Variants in ENTREP2 observed in about 807,000 individuals in gnomAD.
ENTREP2 encodes the protein protein ENTREP2.
chr15:29,500,758 CAA>C, the ENTREP2 span, among the ~76,000 whole-genome samples: 1 of 151,800 alleles, frequency 6.6e-6, no homozygotes, highest in East Asian at 1.9e-4. Context: ...AGATTGGAGC[CAA>C]ACAGAGAACA....
chr15:29,261,362 G>A, the ENTREP2 span, among the ~76,000 whole-genome samples: 1 of 152,162 alleles, frequency 6.6e-6, no homozygotes. Context: ...TGGGCAACAA[G>A]CAAGATCCTA....
the ENTREP2 span, among the ~76,000 whole-genome samples, chr15:29,478,620 A>G: frequency 0.51 from 77,205 of 151,536 alleles, 20,854 homozygotes; most frequent in African/African-American, 0.71. Context: ...TTAAAAGTGT[A>G]TGGGGCAGGT....
the ENTREP2 span, among the ~76,000 whole-genome samples, chr15:29,386,441 C>T: frequency 2.6e-5 from 4 of 152,168 alleles, no homozygotes; most frequent in East Asian, 1.9e-4. Context: ...CCCGGTGAGG[C>T]GGATAAGGGA....
the ENTREP2 span, among the ~76,000 whole-genome samples, chr15:29,365,079 C>T: frequency 1.3e-5 from 2 of 152,166 alleles, no homozygotes; most frequent in Admixed American, 6.5e-5. Flanking sequence ...CTTCATCCCT[C>T]TTTCCCAACC....
At chr15:29,209,368 G>C in the ENTREP2 span, among the ~76,000 whole-genome samples, 1 of 152,128 alleles carries the variant, frequency 6.6e-6, no homozygotes, top group African/African-American at 2.4e-5. Context: ...TGGGCGTGGT[G>C]GTGGGCACCT....
chr15:29,583,303 G>A, the ENTREP2 span, among the ~76,000 whole-genome samples: 1 of 152,162 alleles, frequency 6.6e-6, no homozygotes, highest in Non-Finnish European at 1.5e-5. Flanking sequence ...GGAATACTAT[G>A]CAGCCATAAA....
At chr15:29,566,261 C>T in the ENTREP2 span, among the ~76,000 whole-genome samples, 1 of 151,480 alleles carries the variant, frequency 6.6e-6, no homozygotes, top group African/African-American at 2.4e-5. Context: ...TGGGTTCACG[C>T]CATTCTCCTG....
chr15:29,527,833 A>G, the ENTREP2 span, among the ~76,000 whole-genome samples: 1 of 152,124 alleles, frequency 6.6e-6, no homozygotes, highest in African/African-American at 2.4e-5. Flanking sequence ...AGCCCCCCTC[A>G]GTAAGGATGC....
At chr15:29,448,576 T>C in the ENTREP2 span, among the ~76,000 whole-genome samples, 9 of 152,250 alleles carry the variant, frequency 5.9e-5, no homozygotes, top group Non-Finnish European at 8.8e-5. Context: ...CTAAGTGTCA[T>C]ACTTACTGTG....
chr15:29,140,482 G>C, the ENTREP2 span, among the ~76,000 whole-genome samples: 2 of 152,290 alleles, frequency 1.3e-5, no homozygotes, highest in African/African-American at 4.8e-5. Flanking sequence ...CAGTTGAAAA[G>C]ACTTTAATGA....
the ENTREP2 span, among the ~76,000 whole-genome samples, chr15:29,202,269 G>A: frequency 6.6e-6 from 1 of 151,680 alleles, no homozygotes; most frequent in Admixed American, 6.6e-5. Flanking sequence ...ATTGATTTCT[G>A]CTCTTTCATT....
the ENTREP2 span, among the ~76,000 whole-genome samples, chr15:29,600,707 A>G: frequency 6.6e-5 from 10 of 151,984 alleles, no homozygotes; most frequent in African/African-American, 2.4e-4. Context: ...CCTGGCCTCA[A>G]GTGATCCTCC....
chr15:29,656,711 G>A, the ENTREP2 span, among the ~76,000 whole-genome samples: 1 of 152,154 alleles, frequency 6.6e-6, no homozygotes, highest in Non-Finnish European at 1.5e-5. Context: ...TGCTCGCAAG[G>A]ACGTGGTGCA....
chr15:29,215,998 G>C, the ENTREP2 span, among the ~76,000 whole-genome samples: 4 of 152,150 alleles, frequency 2.6e-5, no homozygotes, highest in Non-Finnish European at 5.9e-5. Context: ...TGTGCTATTT[G>C]TTGCCTGAGT....
At chr15:29,379,550 G>A in the ENTREP2 span, among the ~76,000 whole-genome samples, 1 of 152,250 alleles carries the variant, frequency 6.6e-6, no homozygotes, top group African/African-American at 2.4e-5. Context: ...CCAACTATGC[G>A]GCAGGGCTGG....
the ENTREP2 span, among the ~76,000 whole-genome samples, chr15:29,673,805 G>C: frequency 6.6e-6 from 1 of 152,192 alleles, no homozygotes; most frequent in Non-Finnish European, 1.5e-5. Context: ...GGAATGACAA[G>C]GACAGCTTGG....
chr15:29,447,670 G>T, the ENTREP2 span, among the ~76,000 whole-genome samples: 4 of 126,692 alleles, frequency 3.2e-5, no homozygotes, highest in South Asian at 4.9e-4. Context: ...TTTTTTTTTC[G>T]TAGAGATGGG....
chr15:29,480,998 C>T, the ENTREP2 span, among the ~76,000 whole-genome samples: 18 of 152,152 alleles, frequency 1.2e-4, no homozygotes, highest in Admixed American at 3.3e-4. Context: ...AGTCCCTAGA[C>T]CATACCCCAG....
At chr15:29,596,998 G>C in the ENTREP2 span, among the ~76,000 whole-genome samples, 1 of 151,628 alleles carries the variant, frequency 6.6e-6, no homozygotes, top group East Asian at 2.0e-4. Context: ...TACCTGATTA[G>C]GGTTTGCTCT....
Sources: allele counts gnomAD v4.1 joint callset (sites outside exome capture counted in the v4.1 genomes callset), GRCh38; gene constraint gnomAD v4.1.1; transcripts MANE v1.5; gene names NCBI Gene and HGNC (gene_info 2026-07-23, HGNC 2026-07-21).